The following DNAH5 variants were observed in gnomAD, a reference collection of about 807,000 sequenced individuals.
DNAH5 encodes dynein axonemal heavy chain 5.
A neutral mutation model predicts 518.2 loss-of-function variants in DNAH5; 372 were observed. The ratio of observed to expected loss-of-function variants is 0.72; its 90% CI spans 0.66 to 0.78. The LOEUF (loss-of-function observed/expected upper bound fraction) is 0.78. Ranked by LOEUF, DNAH5 falls within the 30% of genes least tolerant of loss-of-function variation. DNAH5 has a pLI of 0.00. For synonymous variants in DNAH5, 2,039 were observed against 2,025.9 expected, an observed-to-expected ratio of 1.01 and a Z score of -0.17; for missense variants, 5,523 against 5,687.0, an observed-to-expected ratio of 0.97 and a Z score of 0.93.
At chr5:13,790,274 A>G (rs1440582846) in intron 50 of DNAH5, among the ~76,000 whole-genome samples, 1 of 152,238 alleles carries the variant, frequency 6.6e-6, no homozygotes, top group Non-Finnish European at 1.5e-5. Context: ...ACTATTCACA[A>G]TAGCAAAGAC....
intron 77 of DNAH5, 61 bp from the exon 78 acceptor site, chr5:13,700,932 T>C: frequency 2.0e-6 from 3 of 1,519,498 alleles, no homozygotes; most frequent in Middle Eastern, 1.7e-4. Flanking sequence ...AGAAAGAGCA[T>C]AACAATAATG....
chr5:13,750,317 C>A (rs1163165043), intron 65 of DNAH5, among the ~76,000 whole-genome samples: 1 of 152,204 alleles, frequency 6.6e-6, no homozygotes, highest in Non-Finnish European at 1.5e-5. Context: ...CGTGCAGTTT[C>A]ACCATAACAT....
At chr5:13,897,834 T>C (rs1327313357) in intron 15 of DNAH5, 1 of 152,220 alleles carries the variant, frequency 6.6e-6, no homozygotes. Context: ...ACATCCCCTT[T>C]TTTTGAATCT....
chr5:13,946,711 T>C (rs1779954082), upstream of DNAH5, among the ~76,000 whole-genome samples: 1 of 152,192 alleles, frequency 6.6e-6, no homozygotes, highest in Admixed American at 6.5e-5. Flanking sequence ...ATATTGGTCA[T>C]ACACAAATCC....
chr5:13,779,894 A>G (rs373767635), intron 53 of DNAH5, among the ~76,000 whole-genome samples: 83 of 152,248 alleles, frequency 5.5e-4, no homozygotes, highest in Admixed American at 9.2e-4. Flanking sequence ...AGACAGCCTT[A>G]TAACTATTCT....
At chr5:14,003,395 T>C (rs939801227) in intron 1 of DNAH5, among the ~76,000 whole-genome samples, 1 of 152,240 alleles carries the variant, frequency 6.6e-6, no homozygotes, top group African/African-American at 2.4e-5. Flanking sequence ...TCACTTATAA[T>C]GTGAGCAGTA....
At chr5:13,794,890 C>A in intron 47 of DNAH5, among the ~76,000 whole-genome samples, 1 of 152,170 alleles carries the variant, frequency 6.6e-6, no homozygotes, top group Admixed American at 6.5e-5. Context: ...TGGTGTGAAC[C>A]CGGGAGGCAG....
intron 72 of DNAH5, among the ~76,000 whole-genome samples, chr5:13,718,321 A>C (rs908162440): frequency 6.6e-6 from 1 of 152,220 alleles, no homozygotes; most frequent in Admixed American, 6.5e-5. Flanking sequence ...AAGGGCCAGA[A>C]TCAGGATTTC....
At chr5:13,865,006 C>CTT (rs70964512) in intron 27 of DNAH5, among the ~76,000 whole-genome samples, 76 of 124,918 alleles carry the variant, frequency 6.1e-4, no homozygotes, top group Admixed American at 8.4e-4. Flanking sequence ...ACAAATAGCT[C>CTT]TTTTTTTTTT....
intron 47 of DNAH5, among the ~76,000 whole-genome samples, chr5:13,794,369 C>T (rs1355050484): frequency 4.6e-5 from 7 of 152,172 alleles, no homozygotes; most frequent in Admixed American, 4.6e-4. Context: ...ACACTATGTT[C>T]CCCATTATTC....
rs1742009899 is a variant in DNAH5, at chr5:13,700,868, T to C, written c.13495A>G (p.Ile4499Val). The C allele has an allele frequency of 1.9e-6, 3 of 1,614,006 alleles. No homozygotes were observed. Among genetic ancestry groups the C allele is most frequent in the Admixed American group, 1.7e-5 (1 of 60,010 alleles). Residue 4499 changes from isoleucine (I) to valine (V), a missense_variant, in exon 78 of 79, where the codon ATA (isoleucine) becomes GTA (valine). By Grantham distance (29) the Ile-to-Val change is conservative. Coordinates refer to ENST00000265104, the MANE Select transcript of DNAH5 (RefSeq NM_001369.3). Reference protein sequence around the residue: ...QGFLTAMRQEITRANKGWALD... With the variant: ...QGFLTAMRQEVTRANKGWALD... ...GCCCAGCCTTTGTTGGCCCGAGTTA[T>C]TTCCTATTCAGGGCAGCAAAAGATG...
chr5:13,851,788 T>C (rs1766883047), intron 30 of DNAH5, among the ~76,000 whole-genome samples: 1 of 152,106 alleles, frequency 6.6e-6, no homozygotes, highest in African/African-American at 2.4e-5. Flanking sequence ...CTGGGCAAGA[T>C]GGCCGAATAG....
chr5:14,000,588 T>C (rs181802391), intron 1 of DNAH5, among the ~76,000 whole-genome samples: 61 of 150,692 alleles, frequency 4.0e-4, no homozygotes, highest in Admixed American at 3.3e-3. Context: ...TGGAGTTACT[T>C]GTGAAATACC....
At chr5:13,721,308 T>C (rs976333177) in intron 70 of DNAH5, 63 bp from the exon 71 acceptor site, 12 of 1,606,120 alleles carry the variant, frequency 7.5e-6, no homozygotes, top group Non-Finnish European at 1.0e-5. Flanking sequence ...GATAATGTAG[T>C]GTGGTTTCCA....
chr5:13,790,797 G>A (rs1322710678), intron 50 of DNAH5, among the ~76,000 whole-genome samples: 2 of 152,094 alleles, frequency 1.3e-5, no homozygotes, highest in Non-Finnish European at 2.9e-5. Flanking sequence ...CCAGTCTCCA[G>A]CAGTTTTTAT....
intron 5 of DNAH5, among the ~76,000 whole-genome samples, chr5:13,921,281 A>G (rs75106886): frequency 0.015 from 2,328 of 151,942 alleles, 56 homozygotes; most frequent in African/African-American, 0.054. Context: ...CCCTTCCCCA[A>G]TCCCAGCAGG....
chr5:13,801,299 C>T (rs1265685869), intron 47 of DNAH5, among the ~76,000 whole-genome samples: 2 of 152,186 alleles, frequency 1.3e-5, no homozygotes, highest in South Asian at 2.1e-4. Flanking sequence ...ACTCCTGCTC[C>T]GGCCACGTGA....
intron 33 of DNAH5, 51 bp from the exon 34 acceptor site, chr5:13,841,181 T>A: frequency 7.1e-7 from 1 of 1,408,480 alleles, no homozygotes; most frequent in Non-Finnish European, 1.0e-6. Flanking sequence ...ATTTATGTAT[T>A]TAAATAGAAA....
chr5:13,781,133 T>C lies in DNAH5; in HGVS notation c.8821-174A>G, dbSNP rs1755061075. 1.3e-5 allele frequency among the ~76,000 whole-genome samples: 2 copies of C among 152,004 alleles called. 1 individual carries two copies. Among genetic ancestry groups the C allele is most frequent in the South Asian group, 4.2e-4 (2 of 4,814 alleles). ...TGAGGGCATTTCTGAAATAGAACAG[T>C]GTTGGGCTGCATCAGACGGGGTGGG... On this transcript the variant is annotated intron_variant, in intron 52 of 78. Transcript: ENST00000265104.
Sources: gnomAD v4.1 joint callset for allele counts (sites outside exome capture counted in the v4.1 genomes callset) on GRCh38, gnomAD v4.1.1 for gene constraint, MANE v1.5 for transcripts, NCBI Gene and HGNC (gene_info 2026-07-23, HGNC 2026-07-21) for gene names.